HNRNPL: variants seen among roughly 807,000 people sequenced by gnomAD.
HNRNPL encodes the protein heterogeneous nuclear ribonucleoprotein L, also known as epididymis secretory sperm binding protein.
In HNRNPL, 12 loss-of-function variants were observed where a neutral mutation model predicts 64.0. The observed-to-expected ratio is 0.19, with a 90% CI of 0.12 to 0.30. HNRNPL has a LOEUF of 0.30. Ranked by LOEUF, HNRNPL falls within the 10% of genes least tolerant of loss-of-function variation. The probability of loss-of-function intolerance (pLI) is 1.00; values close to 1 mark genes in which losing one functional copy is unlikely to be tolerated. For missense variants in HNRNPL, 484 were observed against 797.4 expected, an observed-to-expected ratio of 0.61 and a Z score of 4.73; for synonymous variants, 385 against 313.0, an observed-to-expected ratio of 1.23 and a Z score of -2.43.
chr19:38,836,539 C>T lies in HNRNPL; in HGVS notation c.*183G>A, dbSNP rs986973751. On this transcript the variant is annotated 3_prime_UTR_variant, in exon 13 of 13. Transcript: ENST00000221419. Reference sequence around the variant, plus strand: ...GGAGATAACAGTTCCCCTCTCCCTCCCCCTGCAGATTTCCAGCGTTTCCAT... The same window carrying T: ...GGAGATAACAGTTCCCCTCTCCCTCTCCCTGCAGATTTCCAGCGTTTCCAT... The T allele has an allele frequency of 2.2e-5, 10 of 461,130 alleles. No individual in the cohort carries two copies. Among genetic ancestry groups the T allele is most frequent in the Admixed American group, 1.1e-4 (3 of 26,670 alleles). 28.6% of individuals were successfully genotyped at this position (461,130 alleles called of 1,614,324 possible).
intron 1 of HNRNPL, chr19:38,849,432 C>A (rs1948592543): frequency 5.1e-6 from 2 of 388,684 alleles, no homozygotes; most frequent in East Asian, 7.8e-5. Context: ...CACACGCCAG[C>A]CCGCGGCGCC....
chr19:38,850,543 G>A (rs1204219726), upstream of HNRNPL, among the ~76,000 whole-genome samples: 1 of 152,142 alleles, frequency 6.6e-6, no homozygotes, highest in East Asian at 1.9e-4. Context: ...ATGAAATGGG[G>A]AGCCCCGCCC....
chr19:38,839,140 A>G (rs1972026393), intron 8 of HNRNPL, 125 bp from the exon 9 acceptor site: 3 of 1,228,414 alleles, frequency 2.4e-6, no homozygotes, highest in Non-Finnish European at 3.4e-6. Context: ...AATCGGGACC[A>G]CTAGAAAAAC....
Position 38,849,827 on chromosome 19 carries a change from T to A in HNRNPL, c.140A>T (p.Tyr47Phe). ...AAGGGGGGGR[Y>F]YGGGSEGGRA... is the part of the protein sequence containing the mutation. Reference sequence around the variant, plus strand: ...GCCGCCCTCACTGCCGCCGCCGTAGTAGCGGCCACCGCCGCCTCCGCCGCC... The same window carrying A: ...GCCGCCCTCACTGCCGCCGCCGTAGAAGCGGCCACCGCCGCCTCCGCCGCC... Residue 47 changes from tyrosine (Y) to phenylalanine (F), a missense_variant, in exon 1 of 13, where the codon TAC (tyrosine) becomes TTC (phenylalanine). Coordinates refer to ENST00000221419, the MANE Select transcript of HNRNPL (RefSeq NM_001533.3). The A allele has an allele frequency of 8.1e-7, 1 of 1,234,846 alleles. No individual in the cohort carries two copies. The highest frequency in any genetic ancestry group is 1.1e-6 in the Non-Finnish European group (1 of 889,016). 76.5% of individuals were successfully genotyped at this position (1,234,846 alleles called of 1,614,324 possible).
At chr19:38,847,494 G>T in intron 1 of HNRNPL, 60 bp from the exon 2 acceptor site, 2 of 1,012,446 alleles carry the variant, frequency 2.0e-6, no homozygotes, top group South Asian at 1.9e-5. Flanking sequence ...CGCCCCACTG[G>T]CCTCTGTACT....
upstream of HNRNPL, among the ~76,000 whole-genome samples, chr19:38,851,665 A>T (rs1311192756): frequency 2.0e-5 from 3 of 152,152 alleles, no homozygotes; most frequent in Non-Finnish European, 4.4e-5. Context: ...TGGGGAGGCC[A>T]AGGCGGAAGG....
intron 6 of HNRNPL, 185 bp downstream of exon 6, chr19:38,843,657 T>G (rs1385387016): frequency 3.3e-6 from 2 of 605,314 alleles, no homozygotes; most frequent in African/African-American, 3.7e-5. Context: ...CAAGCAGCAG[T>G]GAAGACCCAT....
Position 38,849,802 on chromosome 19 carries a change from G to A in HNRNPL, c.165C>T (p.Gly55=). 1 of 1,358,956 alleles carries A rather than the reference G, an allele frequency of 7.4e-7. No individual in the cohort carries two copies. The highest frequency in any genetic ancestry group is 9.9e-7 in the Non-Finnish European group (1 of 1,005,978). The allele number at this position is 1,358,956 out of a possible 1,614,324, so 84.2% of individuals were successfully genotyped here. Residue 55 remains glycine, a synonymous_variant, in exon 1 of 13, where the codon GGC becomes GGT. Transcript: ENST00000221419. ...CAGTCTTGAGCCGCTTAGGGGCCCG[G>A]CCGCCCTCACTGCCGCCGCCGTAGT... ...GRYYGGGSEG[G]RAPKRLKTDN... is the part of the protein sequence containing the mutation.
At chr19:38,850,093 T>A, upstream of HNRNPL, 1 of 714,986 alleles carries the variant, frequency 1.4e-6, no homozygotes, top group South Asian at 2.5e-5. Context: ...CCACACGCCT[T>A]GCGCGCTTAT....
Position 38,838,607 on chromosome 19 carries a change from A to AG in HNRNPL, c.1356-10dup. 6.2e-7 allele frequency: 1 copy of AG among 1,612,534 alleles called. No individual in the cohort carries two copies. Among genetic ancestry groups the AG allele is most frequent in the Admixed American group, 1.7e-5 (1 of 59,836 alleles). ...CTGGCTGCTTGGAGACACTGCAGCAAGGAAGAAAGGGGAGCCTTTGTCATA... is the reference window on the plus strand; with the variant it reads ...CTGGCTGCTTGGAGACACTGCAGCAAGGGAAGAAAGGGGAGCCTTTGTCATA... On this transcript the variant is annotated splice_polypyrimidine_tract_variant and intron_variant, in intron 9 of 12. Coordinates refer to ENST00000221419, the MANE Select transcript of HNRNPL (RefSeq NM_001533.3).
At chr19:38,838,672 A>G in intron 9 of HNRNPL, 74 bp from the exon 10 acceptor site, 1 of 1,473,850 alleles carries the variant, frequency 6.8e-7, no homozygotes, top group Non-Finnish European at 9.4e-7. Flanking sequence ...TGGCCTCCAG[A>G]GGCTTAGCTT....
At chr19:38,837,003 C>A in intron 12 of HNRNPL, 1 of 547,534 alleles carries the variant, frequency 1.8e-6, no homozygotes, top group Non-Finnish European at 3.2e-6. Context: ...CTATCTCCTT[C>A]GCCAGCCCAA....
At chr19:38,837,525 A>C in intron 11 of HNRNPL, 46 bp from the exon 12 acceptor site, 1 of 1,611,952 alleles carries the variant, frequency 6.2e-7, no homozygotes, top group Non-Finnish European at 8.5e-7. Context: ...GACTCACCCA[A>C]TAGGAACTAG....
intron 7 of HNRNPL, 24 bp downstream of exon 7, chr19:38,840,464 C>T (rs769026015): frequency 2.0e-5 from 31 of 1,576,820 alleles, no homozygotes; most frequent in South Asian, 4.6e-5. Flanking sequence ...CGGGAGTCCA[C>T]GGAGGGGAAC....
At chr19:38,841,281 T>A in intron 6 of HNRNPL, 7 of 330,166 alleles carry the variant, frequency 2.1e-5, no homozygotes, top group South Asian at 1.7e-4. Flanking sequence ...TTTACAGACA[T>A]CACAGCTTCT....
chr19:38,847,444 G>T lies in HNRNPL; in HGVS notation c.268-10C>A, dbSNP rs773150503. On this transcript the variant is annotated splice_polypyrimidine_tract_variant and intron_variant, in intron 1 of 12. Transcript: ENST00000221419. ...GGTCATCGTAGTTCTCCTGAGAAAGGAAGCAAAAACAAGAATTATTTTCTT... is the reference window on the plus strand; with the variant it reads ...GGTCATCGTAGTTCTCCTGAGAAAGTAAGCAAAAACAAGAATTATTTTCTT... 3 of 1,465,490 alleles carry T rather than the reference G, an allele frequency of 2.0e-6. No homozygotes were observed. The African/African-American group carries it at 4.3e-5, about 21-fold the overall frequency. The allele number at this position is 1,465,490 out of a possible 1,614,324, so 90.8% of individuals were successfully genotyped here. A position where few individuals can be genotyped will look rare whatever the true frequency, so the allele number is the denominator to read the frequency against.
intron 1 of HNRNPL, 100 bp downstream of exon 1, chr19:38,849,600 G>C (rs1220301820): frequency 7.8e-7 from 1 of 1,277,000 alleles, no homozygotes; most frequent in South Asian, 2.8e-5. Flanking sequence ...GATGGCCTGG[G>C]CGCGTGCGCA....
intron 9 of HNRNPL, 56 bp from the exon 10 acceptor site, chr19:38,838,654 T>A: frequency 1.3e-6 from 2 of 1,550,162 alleles, no homozygotes; most frequent in Non-Finnish European, 1.8e-6. Context: ...CCCTGAAGCT[T>A]TCCCCTGTGG....
At chr19:38,839,157 G>T in intron 8 of HNRNPL, 142 bp from the exon 9 acceptor site, 1 of 1,025,454 alleles carries the variant, frequency 9.8e-7, no homozygotes, top group Non-Finnish European at 1.4e-6. Flanking sequence ...AAACATGCCT[G>T]GCCCACACCA....
Sources: gnomAD v4.1 joint callset for allele counts (sites outside exome capture counted in the v4.1 genomes callset) on GRCh38, gnomAD v4.1.1 for gene constraint, MANE v1.5 for transcripts, NCBI Gene and HGNC (gene_info 2026-07-23, HGNC 2026-07-21) for gene names.